The following RNF217 variants were observed in gnomAD, a reference collection of about 807,000 sequenced individuals.
RNF217 encodes the protein E3 ubiquitin-protein ligase RNF217.
A neutral mutation model predicts 57.8 loss-of-function variants in RNF217; 31 were observed. That is an observed-to-expected ratio of 0.54 (90% confidence interval 0.40 to 0.72). The LOEUF (loss-of-function observed/expected upper bound fraction) is 0.72, where lower values mean the gene tolerates loss of function less well. Among genes scored for constraint, RNF217 ranks in the 30% least tolerant of loss-of-function variants. RNF217 has a pLI of 0.00. For missense variants in RNF217, 696 were observed against 708.3 expected (o/e 0.98, Z 0.20); for synonymous variants, 313 against 294.0 (o/e 1.06, Z -0.66).
intron 1 of RNF217, among the ~76,000 whole-genome samples, chr6:124,998,220 C>T (rs914217203): frequency 6.6e-6 from 1 of 152,138 alleles, no homozygotes; most frequent in African/African-American, 2.4e-5. Flanking sequence ...TTACTTCCCT[C>T]ATTTTGCCCC....
intron 1 of RNF217, among the ~76,000 whole-genome samples, chr6:125,024,054 C>A (rs1015012994): frequency 1.3e-5 from 2 of 151,906 alleles, no homozygotes; most frequent in African/African-American, 2.4e-5. Context: ...TTGAAAATTG[C>A]CAAGAGAGTA....
intron 1 of RNF217, among the ~76,000 whole-genome samples, chr6:125,039,015 G>A (rs1210112650): frequency 6.6e-6 from 1 of 151,886 alleles, no homozygotes; most frequent in South Asian, 2.1e-4. Flanking sequence ...AAGCCACAGT[G>A]TGTGTTGTTC....
At chr6:125,023,795 A>G (rs1423388597) in intron 1 of RNF217, among the ~76,000 whole-genome samples, 1 of 152,188 alleles carries the variant, frequency 6.6e-6, no homozygotes, top group Non-Finnish European at 1.5e-5. Flanking sequence ...CCTGGAGGAC[A>G]TTACGTTGAG....
intron 1 of RNF217, among the ~76,000 whole-genome samples, chr6:125,027,253 T>C (rs1344275386): frequency 1.3e-5 from 2 of 152,180 alleles, no homozygotes; most frequent in African/African-American, 4.8e-5. Context: ...TTATTCATTC[T>C]TCCTGGGCTT....
rs996530974 is a variant in RNF217 at position 125,091,948 on chromosome 6, A to G, written c.*9011A>G. Reference sequence around the variant, plus strand: ...AAATGCTAGGTTTGTTATATTCTTTATGTATCATAATATATAATTCAACTT... The same window carrying G: ...AAATGCTAGGTTTGTTATATTCTTTGTGTATCATAATATATAATTCAACTT... On this transcript the variant is annotated 3_prime_UTR_variant, in exon 6 of 6. Transcript: ENST00000521654. 1 of 152,128 alleles carries G rather than the reference A, an allele frequency of 6.6e-6. No homozygotes were observed. The highest frequency in any genetic ancestry group is 1.5e-5 in the Non-Finnish European group (1 of 68,010). The allele number at this position is 152,128 out of a possible 1,614,324, so 9.4% of individuals were successfully genotyped here.
In RNF217 at chr6:125,088,014, C is replaced by CTTTTT. The variant is rs34412026; in HGVS notation, c.*5095_*5099dup. 5.0e-5 allele frequency: 5 copies of CTTTTT among 100,852 alleles called. No homozygotes were observed. Among genetic ancestry groups the CTTTTT allele is most frequent in the African/African-American group, 8.3e-5 (2 of 24,084 alleles). The allele number at this position is 100,852 out of a possible 1,614,324, so 6.2% of individuals were successfully genotyped here. A position where few individuals can be genotyped will look rare whatever the true frequency, so the allele number is the denominator to read the frequency against. ...AATATGGAAAATAAGTTACAAAATT[C>CTTTTT]TTTTTTTTTTTTTTTTTTTTTTGAG... On this transcript the variant is annotated 3_prime_UTR_variant, in exon 6 of 6. Coordinates refer to ENST00000521654, the MANE Select transcript of RNF217 (RefSeq NM_001286398.3).
At chr6:125,023,519 A>G (rs1785937738) in intron 1 of RNF217, among the ~76,000 whole-genome samples, 1 of 152,196 alleles carries the variant, frequency 6.6e-6, no homozygotes, top group South Asian at 2.1e-4. Flanking sequence ...AGTATGGAGG[A>G]TCCTCAAAAA....
chr6:125,082,382 G>T, intron 5 of RNF217: 1 of 1,425,574 alleles, frequency 7.0e-7, no homozygotes, highest in South Asian at 1.4e-5. Flanking sequence ...TAAAGTATCT[G>T]ACATTTAAGT....
chr6:124,997,050 G>A (rs970269752), intron 1 of RNF217, among the ~76,000 whole-genome samples: 2 of 152,168 alleles, frequency 1.3e-5, no homozygotes, highest in Non-Finnish European at 2.9e-5. Context: ...GGACGTGCTG[G>A]TAGAGTCTAT....
At chr6:125,021,214 G>T (rs963258184) in intron 1 of RNF217, among the ~76,000 whole-genome samples, 3 of 151,288 alleles carry the variant, frequency 2.0e-5, no homozygotes, top group Non-Finnish European at 4.4e-5. Context: ...ACTCTCTGAA[G>T]TATTATACAA....
At position 125,083,392 on chromosome 6, in the gene RNF217, C is replaced by T. The variant is rs184708302; in HGVS notation, c.*455C>T. ...CCACTTTTCAGAAGATAAGAGTTCA[C>T]TGAATGCACCTATTATAATCTGTGG... On this transcript the variant is annotated 3_prime_UTR_variant, in exon 6 of 6. Coordinates refer to ENST00000521654, the MANE Select transcript of RNF217 (RefSeq NM_001286398.3). 1.9e-3 allele frequency: 288 copies of T among 152,664 alleles called. No individual in the cohort carries two copies. The highest frequency in any genetic ancestry group is 3.1e-3 in the Non-Finnish European group (213 of 68,368). The allele number at this position is 152,664 out of a possible 1,614,324, so 9.5% of individuals were successfully genotyped here.
chr6:125,076,048 C>A (rs1374678537), intron 3 of RNF217, among the ~76,000 whole-genome samples: 1 of 152,002 alleles, frequency 6.6e-6, no homozygotes, highest in Non-Finnish European at 1.5e-5. Flanking sequence ...AACTTGACTG[C>A]AACAATAGAG....
intron 1 of RNF217, among the ~76,000 whole-genome samples, chr6:125,021,880 A>C (rs944596764): frequency 9.9e-5 from 15 of 151,846 alleles, no homozygotes; most frequent in Non-Finnish European, 1.3e-4. Flanking sequence ...ACACTTTCCC[A>C]TGCCTTCCCC....
At chr6:124,992,420 A>G (rs115318654) in intron 1 of RNF217, among the ~76,000 whole-genome samples, 3,585 of 152,266 alleles carry the variant, frequency 0.024, 144 homozygotes, top group African/African-American at 0.082. Flanking sequence ...AGGCTATAGA[A>G]CATTGATTTT....
At chr6:125,054,034 G>T (rs969270945) in intron 2 of RNF217, among the ~76,000 whole-genome samples, 3 of 152,026 alleles carry the variant, frequency 2.0e-5, no homozygotes, top group East Asian at 1.9e-4. Context: ...TAACTGATAC[G>T]TGATACCTAA....
intron 1 of RNF217, among the ~76,000 whole-genome samples, chr6:125,035,548 A>G (rs1401575178): frequency 6.6e-6 from 1 of 152,146 alleles, no homozygotes; most frequent in East Asian, 1.9e-4. Flanking sequence ...AGTTCTTTAT[A>G]TGTTCTGGAT....
At chr6:125,018,242 C>T (rs1785687603) in intron 1 of RNF217, among the ~76,000 whole-genome samples, 1 of 152,248 alleles carries the variant, frequency 6.6e-6, no homozygotes, top group Admixed American at 6.5e-5. Context: ...TTACTTAAGC[C>T]TTCCCCCTTT....
intron 3 of RNF217, among the ~76,000 whole-genome samples, chr6:125,058,978 G>A (rs1463672668): frequency 1.3e-5 from 2 of 152,030 alleles, no homozygotes; most frequent in South Asian, 2.1e-4. Flanking sequence ...TGGAGACTTA[G>A]CACCAGATAA....
At chr6:125,060,082 A>G (rs183845462) in intron 3 of RNF217, among the ~76,000 whole-genome samples, 119 of 152,266 alleles carry the variant, frequency 7.8e-4, no homozygotes, top group African/African-American at 2.6e-3. Flanking sequence ...GTTTTGCCCC[A>G]TGGAACATTT....
Sources: allele counts gnomAD v4.1 joint callset (sites outside exome capture counted in the v4.1 genomes callset), GRCh38; gene constraint gnomAD v4.1.1; transcripts MANE v1.5; gene names NCBI Gene and HGNC (gene_info 2026-07-23, HGNC 2026-07-21).